The following MEF2D variants were observed in gnomAD, a reference collection of about 807,000 sequenced individuals.
The protein encoded by MEF2D is myocyte enhancer factor 2D, also known as myocyte-specific enhancer factor 2D.
A neutral mutation model predicts 59.3 loss-of-function variants in MEF2D; 10 were observed. The ratio of observed to expected loss-of-function variants is 0.17; its 90% CI spans 0.10 to 0.29. MEF2D has a LOEUF of 0.29. Among genes scored for constraint, MEF2D ranks in the 10% least tolerant of loss-of-function variants. The pLI, the probability that MEF2D is intolerant of heterozygous loss-of-function variation, is 1.00. For missense variants in MEF2D, 508 were observed against 699.4 expected (o/e 0.73, Z 3.09); for synonymous variants, 305 against 295.0 (o/e 1.03, Z -0.35).
intron 1 of MEF2D, among the ~76,000 whole-genome samples, chr1:156,484,523 C>T (rs999868115): frequency 6.7e-6 from 1 of 148,728 alleles, no homozygotes; most frequent in African/African-American, 2.5e-5. Flanking sequence ...ACATCTAGAA[C>T]CCAAGCTCAG....
intron 1 of MEF2D, among the ~76,000 whole-genome samples, chr1:156,488,748 C>T (rs560351423): frequency 6.6e-6 from 1 of 152,268 alleles, no homozygotes; most frequent in East Asian, 1.9e-4. Context: ...ATCTCAGTTC[C>T]TGTGTGAAGG....
chr1:156,475,759 G>A (rs1488096200), intron 8 of MEF2D, among the ~76,000 whole-genome samples: 1 of 152,238 alleles, frequency 6.6e-6, no homozygotes. Context: ...CGAAACTGCC[G>A]CCGTGTTGGC....
chr1:156,469,340 C>T (rs971819304), intron 9 of MEF2D, among the ~76,000 whole-genome samples: 2 of 152,124 alleles, frequency 1.3e-5, no homozygotes, highest in African/African-American at 4.8e-5. Context: ...TCACTACAAC[C>T]TCTGCCTCCC....
chr1:156,472,715 A>AT (rs569939196), intron 9 of MEF2D, among the ~76,000 whole-genome samples: 6,445 of 134,744 alleles, frequency 0.048, 172 homozygotes, highest in Non-Finnish European at 0.061. Context: ...CGCCCGGCTA[A>AT]TTTTTTTTTT....
intron 1 of MEF2D, among the ~76,000 whole-genome samples, chr1:156,495,237 C>G (rs3790460): frequency 0.21 from 31,349 of 152,012 alleles, 3,612 homozygotes; most frequent in Admixed American, 0.27. Context: ...CCTCTCAGGT[C>G]TCCGTGGGCC....
At chr1:156,482,901 G>T (rs1368076190) in intron 2 of MEF2D, among the ~76,000 whole-genome samples, 2 of 152,210 alleles carry the variant, frequency 1.3e-5, no homozygotes, top group Non-Finnish European at 2.9e-5. Context: ...CCTCTGTGCT[G>T]GAGGCTATGA....
intron 5 of MEF2D, 38 bp downstream of exon 5, chr1:156,479,548 C>T: frequency 6.5e-7 from 1 of 1,547,670 alleles, no homozygotes; most frequent in Non-Finnish European, 8.7e-7. Context: ...CATCACATCT[C>T]ATTTCCACCT....
chr1:156,471,541 G>A (rs1449826446), intron 9 of MEF2D, among the ~76,000 whole-genome samples: 1 of 152,198 alleles, frequency 6.6e-6, no homozygotes, highest in East Asian at 1.9e-4. Context: ...TCCCAGCCCT[G>A]CACTGTTCCA....
At position 156,483,059 on chromosome 1, in the gene MEF2D, G is replaced by T. The variant is rs754949215; in HGVS notation, c.54+180C>A. On this transcript the variant is annotated intron_variant, in intron 2 of 11. Coordinates refer to ENST00000348159, the MANE Select transcript of MEF2D (RefSeq NM_005920.4). The stretch of plus-strand genomic sequence containing the variant: ...CAGAAGAGTCCTGGAGTCCAGGGAC[G>T]CAGAGCTCCAAGAGCTGCGAAGAGG... Among the ~76,000 whole-genome samples, 4 of 152,172 alleles carry T rather than the reference G, an allele frequency of 2.6e-5. No homozygotes were observed. In the South Asian group the frequency reaches 8.3e-4, roughly 32 times the overall value.
At chr1:156,496,306 C>T (rs1051079523) in intron 1 of MEF2D, among the ~76,000 whole-genome samples, 2 of 152,126 alleles carry the variant, frequency 1.3e-5, no homozygotes, top group African/African-American at 2.4e-5. Context: ...CGACAAACCA[C>T]CAAAACACCC....
chr1:156,485,237 A>G (rs953461865), intron 1 of MEF2D, among the ~76,000 whole-genome samples: 2 of 152,100 alleles, frequency 1.3e-5, no homozygotes, highest in African/African-American at 4.8e-5. Flanking sequence ...CCCACTGCCA[A>G]TGGCTGCTGA....
chr1:156,479,189 TTCCTC>T (rs958513428), intron 6 of MEF2D, 96 bp downstream of exon 6: 142 of 975,896 alleles, frequency 1.5e-4, no homozygotes, highest in Non-Finnish European at 1.6e-4. Flanking sequence ...CCCTGGGATC[TTCCTC>T]TCCTCTCATC....
In MEF2D at chr1:156,466,907, A is replaced by C. The variant is rs1670882164; in HGVS notation, c.*738T>G. 1.3e-5 allele frequency: 2 copies of C among 152,576 alleles called. No individual in the cohort carries two copies. The highest frequency in any genetic ancestry group is 4.1e-4 in the South Asian group (2 of 4,830). 9.5% of individuals were successfully genotyped at this position (152,576 alleles called of 1,614,324 possible). On this transcript the variant is annotated 3_prime_UTR_variant, in exon 12 of 12. Transcript: ENST00000348159. ...TGTCTTTCCCTCCAAATGTGCTTCC[A>C]GAGAGGCCCCCACCTCAAACCCCTG...
In MEF2D at chr1:156,465,019, G is replaced by A. The variant is rs531154732; in HGVS notation, c.*2626C>T. On this transcript the variant is annotated 3_prime_UTR_variant, in exon 12 of 12. Transcript: ENST00000348159. ...GAGTGCCTACTATGTGCCAGGCACT[G>A]GGCGAGGCTCTGGGGACGCATGCAT... 1 of 152,408 alleles carries A rather than the reference G, an allele frequency of 6.6e-6. No homozygotes were observed. The highest frequency in any genetic ancestry group is 3.1e-3 in the Middle Eastern group (1 of 324). The allele number at this position is 152,408 out of a possible 1,614,324, so 9.4% of individuals were successfully genotyped here.
At chr1:156,480,074 C>A (rs536815071) in intron 4 of MEF2D, among the ~76,000 whole-genome samples, 1 of 152,182 alleles carries the variant, frequency 6.6e-6, no homozygotes, top group Non-Finnish European at 1.5e-5. Flanking sequence ...CCAGGGACAC[C>A]CCCTAGTGGA....
chr1:156,467,396 T>G lies in MEF2D; in HGVS notation c.*249A>C. The G allele has an allele frequency of 5.7e-6, 1 of 176,936 alleles. No individual in the cohort carries two copies. The allele number at this position is 176,936 out of a possible 1,614,324, so 11.0% of individuals were successfully genotyped here. On this transcript the variant is annotated 3_prime_UTR_variant, in exon 12 of 12. Transcript: ENST00000348159. Reference sequence around the variant, plus strand: ...GCGAAAAAGAGAGCCCCCCAGCCAGTGAAAATGGTGGGGGGTACAGAAAGA... The same window carrying G: ...GCGAAAAAGAGAGCCCCCCAGCCAGGGAAAATGGTGGGGGGTACAGAAAGA...
rs568914168 is a variant in MEF2D, at chr1:156,466,470, A to G, written c.*1175T>C. 1 of 153,216 alleles carries G rather than the reference A, an allele frequency of 6.5e-6. No individual in the cohort carries two copies. The highest frequency in any genetic ancestry group is 6.5e-5 in the Admixed American group (1 of 15,294). The allele number at this position is 153,216 out of a possible 1,614,324, so 9.5% of individuals were successfully genotyped here. A position where few individuals can be genotyped will look rare whatever the true frequency, so the allele number is the denominator to read the frequency against. The stretch of plus-strand genomic sequence containing the variant: ...AGCAAGGAGGTGGGGTCAGGAGCAG[A>G]AGGAGCTAACAGGAGAAGCTAGGGA... On this transcript the variant is annotated 3_prime_UTR_variant, in exon 12 of 12. Transcript: ENST00000348159.
intron 1 of MEF2D, among the ~76,000 whole-genome samples, chr1:156,496,798 C>T (rs1179347660): frequency 6.6e-6 from 1 of 152,216 alleles, no homozygotes; most frequent in African/African-American, 2.4e-5. Context: ...ATTGGGCATG[C>T]CTGTCTACAT....
At chr1:156,472,479 G>T (rs145597158) in intron 9 of MEF2D, among the ~76,000 whole-genome samples, 2 of 152,204 alleles carry the variant, frequency 1.3e-5, no homozygotes, top group Non-Finnish European at 2.9e-5. Context: ...AACATGAGGC[G>T]GTCCCTCCAG....
Sources: gnomAD v4.1 joint callset for allele counts (sites outside exome capture counted in the v4.1 genomes callset) on GRCh38, gnomAD v4.1.1 for gene constraint, MANE v1.5 for transcripts, NCBI Gene and HGNC (gene_info 2026-07-23, HGNC 2026-07-21) for gene names.